The following CREB5 variants were observed in gnomAD, a reference collection of about 807,000 sequenced individuals.
The protein encoded by CREB5 is cyclic AMP-responsive element-binding protein 5.
CREB5 carries 19 observed loss-of-function variants against 57.1 expected under a neutral mutation model. That is an observed-to-expected ratio of 0.33 (90% confidence interval 0.23 to 0.49). The LOEUF is 0.49. CREB5 is among the 20% of genes least tolerant of loss of function. CREB5 has a pLI of 0.99. For synonymous variants in CREB5, 238 were observed against 238.3 expected (o/e 1.00, Z 0.01); for missense variants, 579 against 671.6 (o/e 0.86, Z 1.52).
chr7:28,445,593 C>T (rs929073175), intron 1 of CREB5, among the ~76,000 whole-genome samples: 2 of 151,842 alleles, frequency 1.3e-5, no homozygotes, highest in East Asian at 1.9e-4. Context: ...GCTCTGTTGC[C>T]CAGGCTGGAG....
intron 7 of CREB5, among the ~76,000 whole-genome samples, chr7:28,755,040 C>G: frequency 6.6e-6 from 1 of 152,104 alleles, no homozygotes; most frequent in East Asian, 1.9e-4. Flanking sequence ...TTTAAATTAA[C>G]CAAATCCTAT....
At chr7:28,780,240 T>C (rs541939520) in intron 7 of CREB5, among the ~76,000 whole-genome samples, 1 of 152,252 alleles carries the variant, frequency 6.6e-6, no homozygotes, top group East Asian at 1.9e-4. Flanking sequence ...GGCAGACCCT[T>C]GCACTAAGGA....
At chr7:28,420,753 A>G (rs1788211848) in intron 1 of CREB5, among the ~76,000 whole-genome samples, 1 of 145,104 alleles carries the variant, frequency 6.9e-6, no homozygotes. Context: ...GTTTGCAGTG[A>G]GCTGAGATCG....
intron 2 of CREB5, among the ~76,000 whole-genome samples, chr7:28,490,534 G>A (rs962364679): frequency 5.3e-5 from 8 of 152,234 alleles, no homozygotes; most frequent in African/African-American, 1.9e-4. Flanking sequence ...TCAGAGAGAA[G>A]AGAGCTGCAC....
intron 4 of CREB5, among the ~76,000 whole-genome samples, chr7:28,557,424 A>G (rs950592535): frequency 3.9e-5 from 6 of 152,248 alleles, no homozygotes; most frequent in African/African-American, 1.4e-4. Flanking sequence ...GAAAGAAATC[A>G]TAAAAGAGAT....
At chr7:28,788,597 T>C (rs980336826) in intron 7 of CREB5, among the ~76,000 whole-genome samples, 2 of 152,220 alleles carry the variant, frequency 1.3e-5, no homozygotes, top group African/African-American at 4.8e-5. Context: ...ATTCTTACCG[T>C]GCACAAAGTA....
chr7:28,304,127 C>T (rs1301306565), intron 1 of CREB5, among the ~76,000 whole-genome samples: 2 of 152,042 alleles, frequency 1.3e-5, no homozygotes, highest in Non-Finnish European at 2.9e-5. Flanking sequence ...TCTTTATCTA[C>T]AAGTCTTCTA....
At chr7:28,691,228 T>C (rs1216665085) in intron 5 of CREB5, among the ~76,000 whole-genome samples, 1 of 152,062 alleles carries the variant, frequency 6.6e-6, no homozygotes, top group Non-Finnish European at 1.5e-5. Context: ...AAGAGCAGCC[T>C]GGCCAACATG....
chr7:28,551,884 T>TTTCTTTCTG (rs1794665733), intron 4 of CREB5, among the ~76,000 whole-genome samples: 1 of 151,180 alleles, frequency 6.6e-6, no homozygotes, highest in Non-Finnish European at 1.5e-5. Context: ...CTTTCTTTCT[T>TTTCTTTCTG]TTCTTTCTTT....
intron 5 of CREB5, among the ~76,000 whole-genome samples, chr7:28,625,318 C>T (rs910349362): frequency 2.6e-5 from 4 of 152,118 alleles, no homozygotes; most frequent in African/African-American, 9.7e-5. Context: ...TTTAAGATGG[C>T]TCTTTCCTCC....
intron 1 of CREB5, among the ~76,000 whole-genome samples, chr7:28,354,943 T>C (rs1786310211): frequency 6.6e-6 from 1 of 152,166 alleles, no homozygotes; most frequent in Admixed American, 6.5e-5. Flanking sequence ...AGAGCCTGGG[T>C]TTCAGATGAC....
At chr7:28,712,337 G>A (rs1310579093) in intron 5 of CREB5, among the ~76,000 whole-genome samples, 1 of 151,464 alleles carries the variant, frequency 6.6e-6, no homozygotes, top group African/African-American at 2.4e-5. Flanking sequence ...GTGAAACCCC[G>A]TCTCTCCTAA....
chr7:28,775,565 T>TATATATATATATATATATATATATATATA (rs1232967788), intron 7 of CREB5, among the ~76,000 whole-genome samples: 2 of 144,562 alleles, frequency 1.4e-5, no homozygotes, highest in African/African-American at 2.5e-5. Flanking sequence ...TATATATATA[T>TATATATATATATATATATATATATATATA]TAGCGTATTT....
intron 5 of CREB5, among the ~76,000 whole-genome samples, chr7:28,697,138 T>G (rs1397724783): frequency 3.3e-5 from 5 of 152,198 alleles, no homozygotes; most frequent in Non-Finnish European, 7.3e-5. Context: ...TAACATTATT[T>G]GGATATCTGA....
intron 8 of CREB5, among the ~76,000 whole-genome samples, chr7:28,808,332 GCTT>G (rs1808874858): frequency 6.6e-6 from 1 of 152,094 alleles, no homozygotes; most frequent in South Asian, 2.1e-4. Flanking sequence ...GGCTTCATGG[GCTT>G]CTTTTCATAG....
intron 5 of CREB5, among the ~76,000 whole-genome samples, chr7:28,631,911 G>T (rs1798220731): frequency 6.6e-6 from 1 of 152,166 alleles, no homozygotes; most frequent in Non-Finnish European, 1.5e-5. Flanking sequence ...GCCAACAGAA[G>T]AGTAGAGAGA....
At position 28,821,827 on chromosome 7, in the gene CREB5, CTTTGT is replaced by C. The variant is rs1282540911; in HGVS notation, c.*2552_*2556del. The C allele has an allele frequency of 1.0e-4, 16 of 152,624 alleles. No homozygotes were observed. The highest frequency in any genetic ancestry group is 9.6e-4 in the East Asian group (5 of 5,186). The allele number at this position is 152,624 out of a possible 1,614,324, so 9.5% of individuals were successfully genotyped here. A position where few individuals can be genotyped will look rare whatever the true frequency, so the allele number is the denominator to read the frequency against. On this transcript the variant is annotated 3_prime_UTR_variant, in exon 11 of 11. Coordinates refer to ENST00000357727, the MANE Select transcript of CREB5 (RefSeq NM_182898.4). ...TTTTTAATTTTTATGTTATGTTTTG[CTTTGT>C]TTTAAGTAAACAAAAATTTTTCTTT...
At chr7:28,814,191 C>T (rs980925106) in intron 9 of CREB5, among the ~76,000 whole-genome samples, 1 of 152,186 alleles carries the variant, frequency 6.6e-6, no homozygotes, top group African/African-American at 2.4e-5. Context: ...CTTACGTTCC[C>T]TTGAAAAGCG....
chr7:28,711,096 C>T (rs771571731), intron 5 of CREB5, among the ~76,000 whole-genome samples: 11 of 152,142 alleles, frequency 7.2e-5, no homozygotes, highest in Non-Finnish European at 1.2e-4. Context: ...GGTGCAAGGT[C>T]TTGGAGCTTT....
Sources: gnomAD v4.1 joint callset for allele counts (sites outside exome capture counted in the v4.1 genomes callset) on GRCh38, gnomAD v4.1.1 for gene constraint, MANE v1.5 for transcripts, NCBI Gene and HGNC (gene_info 2026-07-23, HGNC 2026-07-21) for gene names.